The following DAB1 variants were observed in gnomAD, a reference collection of about 807,000 sequenced individuals.
DAB1 encodes disabled homolog 1.
Under a neutral mutation model 64.6 loss-of-function variants are expected in DAB1, and 15 were observed. The ratio of observed to expected loss-of-function variants is 0.23; its 90% CI spans 0.16 to 0.36. DAB1 has a LOEUF of 0.36. DAB1 is among the 10% of genes least tolerant of loss of function. The probability of loss-of-function intolerance (pLI) is 1.00; values close to 1 mark genes in which losing one functional copy is unlikely to be tolerated. For missense variants in DAB1, 596 were observed against 706.7 expected (o/e 0.84, Z 1.78); for synonymous variants, 235 against 251.9 (o/e 0.93, Z 0.64).
chr1:57,867,868 C>T (rs1042533041), intron 1 of DAB1, among the ~76,000 whole-genome samples: 3 of 152,132 alleles, frequency 2.0e-5, no homozygotes, highest in Non-Finnish European at 4.4e-5. Context: ...AGTCTCCTCA[C>T]AGCCACAAAT....
intron 4 of DAB1, among the ~76,000 whole-genome samples, chr1:58,205,627 G>A (rs1005067842): frequency 1.3e-5 from 2 of 152,184 alleles, no homozygotes; most frequent in African/African-American, 4.8e-5. Flanking sequence ...CTTTGTAGCC[G>A]AGTGCTTTTG....
chr1:58,535,927 T>A (rs1646509279), intron 1 of DAB1, among the ~76,000 whole-genome samples: 1 of 152,170 alleles, frequency 6.6e-6, no homozygotes. Context: ...TATAAATCTA[T>A]TTATTCAATA....
intron 5 of DAB1, among the ~76,000 whole-genome samples, chr1:57,909,002 G>C (rs778532957): frequency 6.6e-6 from 1 of 152,198 alleles, no homozygotes; most frequent in Non-Finnish European, 1.5e-5. Context: ...ACGTGATACA[G>C]AGGCATTTCC....
At chr1:58,058,088 A>C (rs763877007) in intron 5 of DAB1, among the ~76,000 whole-genome samples, 3 of 152,036 alleles carry the variant, frequency 2.0e-5, no homozygotes, top group African/African-American at 7.3e-5. Flanking sequence ...GCACTGTAGG[A>C]TTTGTGAGAA....
chr1:57,012,492 A>G (rs1360988230), intron 12 of DAB1, among the ~76,000 whole-genome samples: 4 of 152,204 alleles, frequency 2.6e-5, no homozygotes, highest in Non-Finnish European at 4.4e-5. Flanking sequence ...TCTGTCTGAC[A>G]CTATCCAGTC....
At chr1:57,510,125 C>T (rs1024241291) in intron 7 of DAB1, among the ~76,000 whole-genome samples, 1 of 152,094 alleles carries the variant, frequency 6.6e-6, no homozygotes, top group Admixed American at 6.5e-5. Flanking sequence ...ACAAATAAAG[C>T]CCTACACACA....
At chr1:58,319,850 T>C (rs576953083) in intron 4 of DAB1, among the ~76,000 whole-genome samples, 1 of 152,306 alleles carries the variant, frequency 6.6e-6, no homozygotes, top group African/African-American at 2.4e-5. Flanking sequence ...TGTAACTTTC[T>C]CTAATATTTC....
At chr1:57,452,538 A>G (rs568361811) in intron 7 of DAB1, among the ~76,000 whole-genome samples, 12 of 152,094 alleles carry the variant, frequency 7.9e-5, no homozygotes, top group Admixed American at 3.9e-4. Flanking sequence ...TGAACGTTTT[A>G]TCTCTGCCCC....
At chr1:57,658,022 T>C (rs1015339295) in intron 6 of DAB1, among the ~76,000 whole-genome samples, 2 of 152,202 alleles carry the variant, frequency 1.3e-5, no homozygotes, top group African/African-American at 2.4e-5. Context: ...GACATGGTTC[T>C]AGACCTTGGT....
At chr1:57,796,440 C>T (rs888647589) in intron 6 of DAB1, among the ~76,000 whole-genome samples, 10 of 151,896 alleles carry the variant, frequency 6.6e-5, no homozygotes, top group East Asian at 1.9e-4. Context: ...GGCAGGAGAA[C>T]GGCATGAACC....
At chr1:58,491,738 A>G (rs1645695303) in intron 3 of DAB1, among the ~76,000 whole-genome samples, 2 of 152,248 alleles carry the variant, frequency 1.3e-5, no homozygotes, top group African/African-American at 4.8e-5. Context: ...ATATGCACCC[A>G]ATACAGGAGC....
In DAB1 at chr1:58,500,638, A is replaced by G. The variant is rs937108034; in HGVS notation, n.257+5422T>C. 5.9e-5 allele frequency among the ~76,000 whole-genome samples: 9 copies of G among 152,288 alleles called. No homozygotes were observed. The South Asian group carries it at 1.9e-3, about 32-fold the overall frequency. On this transcript the variant is annotated intron_variant and non_coding_transcript_variant, in intron 3 of 20. Coordinates refer to the DAB1 transcript ENST00000485760. ...GAATAAAGCCAGTATTGAAAGCTCT[A>G]AAAACATTTAAAAATATATCCTATT... is the stretch of plus-strand genomic sequence containing the variant.
chr1:57,057,123 G>A (rs537222580), intron 9 of DAB1, among the ~76,000 whole-genome samples: 12 of 152,056 alleles, frequency 7.9e-5, no homozygotes, highest in Non-Finnish European at 1.6e-4. Flanking sequence ...ATGAAATTGC[G>A]AGGCCAGGTT....
At chr1:57,931,959 T>G (rs1286603195) in intron 5 of DAB1, among the ~76,000 whole-genome samples, 1 of 152,150 alleles carries the variant, frequency 6.6e-6, no homozygotes, top group Non-Finnish European at 1.5e-5. Flanking sequence ...TAGATCTTTC[T>G]TCTTTTCTAA....
intron 1 of DAB1, among the ~76,000 whole-genome samples, chr1:57,346,134 A>C (rs2100844222): frequency 6.6e-6 from 1 of 152,338 alleles, no homozygotes; most frequent in Admixed American, 6.5e-5. Flanking sequence ...ACTACGCTAC[A>C]AAACGGCTTA....
At chr1:57,290,758 T>A (rs1344512295) in intron 2 of DAB1, among the ~76,000 whole-genome samples, 1 of 152,194 alleles carries the variant, frequency 6.6e-6, no homozygotes, top group Non-Finnish European at 1.5e-5. Context: ...ATTTAAAAAC[T>A]CATTCCTGTG....
At chr1:58,258,820 G>A (rs948873344) in intron 4 of DAB1, among the ~76,000 whole-genome samples, 1 of 152,162 alleles carries the variant, frequency 6.6e-6, no homozygotes, top group Admixed American at 6.5e-5. Context: ...CAATGATGAT[G>A]CCATTGGGGA....
chr1:57,446,998 A>T (rs951378701), intron 7 of DAB1, among the ~76,000 whole-genome samples: 1 of 152,214 alleles, frequency 6.6e-6, no homozygotes, highest in African/African-American at 2.4e-5. Context: ...TATCAGTCAT[A>T]TGTTCACTGA....
chr1:57,569,387 C>T (rs1261146194), intron 7 of DAB1, among the ~76,000 whole-genome samples: 2 of 151,810 alleles, frequency 1.3e-5, no homozygotes, highest in Non-Finnish European at 2.9e-5. Flanking sequence ...CACATATACA[C>T]CATGGAATAC....
Sources: allele counts gnomAD v4.1 joint callset (sites outside exome capture counted in the v4.1 genomes callset), GRCh38; gene constraint gnomAD v4.1.1; transcripts MANE v1.5; gene names NCBI Gene and HGNC (gene_info 2026-07-23, HGNC 2026-07-21).